Variants in ATP10D observed in about 807,000 individuals in gnomAD.
The protein encoded by ATP10D is ATPase phospholipid transporting 10D (putative).
In ATP10D, 89 loss-of-function variants were observed where a neutral mutation model predicts 144.8. The observed-to-expected ratio is 0.61, with a 90% CI of 0.52 to 0.73. ATP10D has a LOEUF of 0.73. ATP10D is among the 30% of genes least tolerant of loss of function. The pLI is 0.00. For missense variants in ATP10D, 1,603 were observed against 1,714.8 expected (o/e 0.93, Z 1.15); for synonymous variants, 571 against 615.1 (o/e 0.93, Z 1.06).
At chr4:47,536,299 T>G in intron 7 of ATP10D, 138 bp from the exon 8 acceptor site, 1 of 1,200,710 alleles carries the variant, frequency 8.3e-7, no homozygotes, top group Non-Finnish European at 1.2e-6. Context: ...CCTTTTGAAT[T>G]TGAATTTTGT....
chr4:47,494,995 T>G (rs931029169), intron 1 of ATP10D, among the ~76,000 whole-genome samples: 3 of 152,192 alleles, frequency 2.0e-5, no homozygotes, highest in Non-Finnish European at 4.4e-5. Context: ...AAGGTAACTT[T>G]TAGTAATTAT....
intron 1 of ATP10D, among the ~76,000 whole-genome samples, chr4:47,495,631 G>A (rs1715314097): frequency 6.6e-6 from 1 of 151,442 alleles, no homozygotes; most frequent in Non-Finnish European, 1.5e-5. Flanking sequence ...TTTATATATT[G>A]TATATATTCA....
chr4:47,534,586 A>G (rs1260041796), intron 5 of ATP10D, among the ~76,000 whole-genome samples: 3 of 152,156 alleles, frequency 2.0e-5, no homozygotes, highest in African/African-American at 7.2e-5. Context: ...GCCTTATCCT[A>G]TTATTATAAA....
intron 1 of ATP10D, among the ~76,000 whole-genome samples, chr4:47,503,423 A>G (rs749754113): frequency 3.9e-5 from 6 of 152,300 alleles, no homozygotes; most frequent in Non-Finnish European, 5.9e-5. Flanking sequence ...TTTTCTAAAG[A>G]TATGTAAGGG....
chr4:47,540,975 T>C (rs944798954), intron 9 of ATP10D, among the ~76,000 whole-genome samples: 4 of 152,178 alleles, frequency 2.6e-5, no homozygotes, highest in Admixed American at 1.3e-4. Flanking sequence ...ATGGAGGCAG[T>C]AGCATTGAAC....
intron 1 of ATP10D, among the ~76,000 whole-genome samples, chr4:47,507,788 G>C (rs977770537): frequency 6.6e-6 from 1 of 152,180 alleles, no homozygotes; most frequent in Non-Finnish European, 1.5e-5. Flanking sequence ...GTTCTAATGG[G>C]AGCAGAGCAG....
Position 47,587,195 on chromosome 4 carries a change from T to C in ATP10D, c.3930T>C (p.Ala1310=). The change falls in exon 22 of 23, where the codon GCT becomes GCC. Residue 1310 remains alanine, a synonymous_variant. Transcript: ENST00000273859. The stretch of plus-strand genomic sequence containing the variant: ...TTTGTATCCTCACGACGTCCATTGC[T>C]CTTCTGCCCAGGTATGGTATTTATT... ...YLVCILTTSI[A]LLPRFVYRVL... is the part of the protein sequence containing the mutation. 6.2e-7 allele frequency: 1 copy of C among 1,612,456 alleles called. No homozygotes were observed.
chr4:47,544,563 G>T (rs1186122729), intron 9 of ATP10D, among the ~76,000 whole-genome samples: 2 of 152,174 alleles, frequency 1.3e-5, no homozygotes, highest in African/African-American at 4.8e-5. Context: ...AGCTGGGAAA[G>T]ATCTTAAAGT....
intron 5 of ATP10D, among the ~76,000 whole-genome samples, chr4:47,531,826 C>T (rs1443655229): frequency 6.6e-6 from 1 of 152,174 alleles, no homozygotes; most frequent in Non-Finnish European, 1.5e-5. Context: ...CTTCCCACAG[C>T]TGGGCACGCT....
chr4:47,494,642 G>A (rs1715261687), intron 1 of ATP10D, among the ~76,000 whole-genome samples: 1 of 151,794 alleles, frequency 6.6e-6, no homozygotes, highest in African/African-American at 2.4e-5. Flanking sequence ...GAAATAATCA[G>A]AAAGAATTTT....
chr4:47,558,792 C>T, intron 12 of ATP10D, 131 bp from the exon 13 acceptor site: 2 of 689,122 alleles, frequency 2.9e-6, no homozygotes, highest in East Asian at 2.6e-5. Flanking sequence ...TACAGATACC[C>T]ATTTGGGATT....
chr4:47,512,855 C>G, intron 2 of ATP10D, 25 bp downstream of exon 2: 1 of 1,565,646 alleles, frequency 6.4e-7, no homozygotes, highest in Non-Finnish European at 8.7e-7. Flanking sequence ...TTGAAGAAAA[C>G]CTTAGAATAT....
In ATP10D at chr4:47,580,443, TA is replaced by T; in HGVS notation, c.3614del (p.Tyr1205PhefsTer28). 1 of 1,613,828 alleles carries T rather than the reference TA, an allele frequency of 6.2e-7. No homozygotes were observed. The highest frequency in any genetic ancestry group is 8.5e-7 in the Non-Finnish European group (1 of 1,179,764). ...TFWITLLDAFYQSLVCFFVPY... is the reference protein window; with the variant it reads ...TFWITLLDAFXQSLVCFFVPY... ...CTGGATCACCTTATTGGATGCTTTTTATCAAAGCCTGGTCTGCTTCTTTGTG... is the reference window on the plus strand; with the variant it reads ...CTGGATCACCTTATTGGATGCTTTTTTCAAAGCCTGGTCTGCTTCTTTGTG... On this transcript the variant is annotated frameshift_variant, in exon 20 of 23. Transcript: ENST00000273859. LOFTEE classifies it high-confidence loss of function.
intron 5 of ATP10D, among the ~76,000 whole-genome samples, chr4:47,532,224 G>C (rs780344534): frequency 6.6e-6 from 1 of 152,256 alleles, no homozygotes. Context: ...ATCATTTGCT[G>C]TGCTGGGCAC....
At chr4:47,501,013 C>G (rs1342051270) in intron 1 of ATP10D, among the ~76,000 whole-genome samples, 3 of 152,184 alleles carry the variant, frequency 2.0e-5, no homozygotes, top group Non-Finnish European at 4.4e-5. Context: ...TTTCCAGCCA[C>G]TTTCAACCTG....
At chr4:47,581,670 C>A (rs922855387) in intron 20 of ATP10D, among the ~76,000 whole-genome samples, 2 of 152,060 alleles carry the variant, frequency 1.3e-5, no homozygotes, top group African/African-American at 4.8e-5. Context: ...TTAAATAGAA[C>A]AAATTTCTCT....
intron 16 of ATP10D, 53 bp from the exon 17 acceptor site, chr4:47,572,101 C>T (rs2109463932): frequency 6.6e-7 from 1 of 1,525,100 alleles, no homozygotes; most frequent in South Asian, 1.1e-5. Flanking sequence ...GCAACATTTA[C>T]ACCCTTTCTT....
intron 5 of ATP10D, among the ~76,000 whole-genome samples, chr4:47,528,726 C>T (rs954200777): frequency 6.6e-6 from 1 of 152,000 alleles, no homozygotes. Context: ...GTTGAGAGGT[C>T]TTCATACTGT....
chr4:47,539,886 C>A (rs116255445), intron 9 of ATP10D, among the ~76,000 whole-genome samples: 1 of 152,284 alleles, frequency 6.6e-6, no homozygotes, highest in South Asian at 2.1e-4. Flanking sequence ...CATATCCCTG[C>A]CCAAGTGAGT....
Sources: gnomAD v4.1 joint callset for allele counts (sites outside exome capture counted in the v4.1 genomes callset) on GRCh38, gnomAD v4.1.1 for gene constraint, MANE v1.5 for transcripts, NCBI Gene and HGNC (gene_info 2026-07-23, HGNC 2026-07-21) for gene names.